MDGA2: variants seen among roughly 807,000 people sequenced by gnomAD.
MDGA2 encodes MAM domain containing glycosylphosphatidylinositol anchor 2.
A neutral mutation model predicts 117.8 loss-of-function variants in MDGA2; 40 were observed. The ratio of observed to expected loss-of-function variants is 0.34; its 90% CI spans 0.26 to 0.44. The LOEUF (loss-of-function observed/expected upper bound fraction) is 0.44. MDGA2 is among the 20% of genes least tolerant of loss of function. The probability of loss-of-function intolerance (pLI) is 1.00; values close to 1 mark genes in which losing one functional copy is unlikely to be tolerated. For synonymous variants in MDGA2, 452 were observed against 439.0 expected, an observed-to-expected ratio of 1.03 and a Z score of -0.37; for missense variants, 1,123 against 1,250.6, an observed-to-expected ratio of 0.90 and a Z score of 1.54.
At chr14:47,614,923 T>C (rs1896921987) in intron 1 of MDGA2, among the ~76,000 whole-genome samples, 1 of 152,230 alleles carries the variant, frequency 6.6e-6, no homozygotes, top group Non-Finnish European at 1.5e-5. Context: ...TTTGGCTCTG[T>C]ATCTGGTACA....
At chr14:47,066,687 T>C (rs2138814797) in intron 6 of MDGA2, among the ~76,000 whole-genome samples, 1 of 151,448 alleles carries the variant, frequency 6.6e-6, no homozygotes, top group South Asian at 2.1e-4. Flanking sequence ...TGAGCAAATA[T>C]GGATAATTAC....
At chr14:47,045,914 G>A (rs183030575) in intron 7 of MDGA2, among the ~76,000 whole-genome samples, 141 of 151,076 alleles carry the variant, frequency 9.3e-4, no homozygotes, top group African/African-American at 3.3e-3. Flanking sequence ...GCAATGAGCC[G>A]AGATTGTGCC....
chr14:47,524,148 T>C (rs1894925302), intron 1 of MDGA2, among the ~76,000 whole-genome samples: 1 of 152,224 alleles, frequency 6.6e-6, no homozygotes, highest in South Asian at 2.1e-4. Flanking sequence ...ATTTGTATCC[T>C]TATTTCAAAC....
At chr14:47,420,811 G>T (rs1892562790) in intron 1 of MDGA2, among the ~76,000 whole-genome samples, 1 of 143,578 alleles carries the variant, frequency 7.0e-6, no homozygotes, top group African/African-American at 2.6e-5. Context: ...AAGCAATAAA[G>T]AGAGAGAAAA....
chr14:47,510,508 T>C (rs1264498379), intron 1 of MDGA2, among the ~76,000 whole-genome samples: 1 of 152,202 alleles, frequency 6.6e-6, no homozygotes, highest in Admixed American at 6.5e-5. Context: ...GCTTGAGAGT[T>C]CTGCCTAATT....
At chr14:47,335,247 G>A (rs966560042) in intron 1 of MDGA2, among the ~76,000 whole-genome samples, 1 of 144,456 alleles carries the variant, frequency 6.9e-6, no homozygotes, top group African/African-American at 2.6e-5. Flanking sequence ...ACATTATTTG[G>A]TGATCAGTAC....
At chr14:47,584,448 C>T (rs535039867) in intron 1 of MDGA2, among the ~76,000 whole-genome samples, 4 of 151,862 alleles carry the variant, frequency 2.6e-5, no homozygotes, top group South Asian at 4.1e-4. Context: ...GTAGCAGAAC[C>T]ATAAATAAGA....
rs563059126 is a variant in MDGA2, at chr14:47,110,948, C to T, written c.926-13825G>A. Among the ~76,000 whole-genome samples the T allele has an allele frequency of 2.0e-5, 3 of 152,138 alleles. No homozygotes were observed. The South Asian group carries it at 6.2e-4, about 32-fold the overall frequency. ...GTAAATTTAGAGATGTACGTATGTT[C>T]TATTTTAAGAAAAAATCCTAATTCA... is the stretch of plus-strand genomic sequence containing the variant. On this transcript the variant is annotated intron_variant, in intron 5 of 16. Transcript: ENST00000399232.
intron 3 of MDGA2, among the ~76,000 whole-genome samples, chr14:47,162,681 G>A (rs1298135333): frequency 6.6e-6 from 1 of 151,962 alleles, no homozygotes; most frequent in East Asian, 1.9e-4. Context: ...AAAATTTCCG[G>A]TATTTGTATA....
intron 4 of MDGA2, among the ~76,000 whole-genome samples, chr14:47,133,596 C>T (rs988613284): frequency 1.3e-5 from 2 of 151,878 alleles, no homozygotes; most frequent in African/African-American, 4.8e-5. Context: ...AGTCTAAGCC[C>T]CATTTCCAGA....
chr14:47,331,801 G>A (rs1197689428), intron 1 of MDGA2, among the ~76,000 whole-genome samples: 1 of 151,880 alleles, frequency 6.6e-6, no homozygotes, highest in Non-Finnish European at 1.5e-5. Context: ...TTTGCTGTCA[G>A]TAATTAAATT....
At chr14:47,236,152 A>G (rs1440038747) in intron 2 of MDGA2, among the ~76,000 whole-genome samples, 1 of 151,970 alleles carries the variant, frequency 6.6e-6, no homozygotes, top group Non-Finnish European at 1.5e-5. Flanking sequence ...TTAGCCGGGC[A>G]TAGTGGCGGG....
chr14:47,618,916 G>T (rs1050480605), intron 1 of MDGA2, among the ~76,000 whole-genome samples: 4 of 151,998 alleles, frequency 2.6e-5, no homozygotes, highest in African/African-American at 9.7e-5. Context: ...AAGGCACACT[G>T]GAGGGAATAA....
chr14:47,249,760 T>C (rs1470913579), intron 2 of MDGA2, among the ~76,000 whole-genome samples: 1 of 152,206 alleles, frequency 6.6e-6, no homozygotes, highest in Non-Finnish European at 1.5e-5. Context: ...AGTACAGGAA[T>C]AAGCTGAAGT....
chr14:47,590,299 C>G (rs1315084513), intron 1 of MDGA2, among the ~76,000 whole-genome samples: 2 of 151,506 alleles, frequency 1.3e-5, no homozygotes, highest in Non-Finnish European at 2.9e-5. Context: ...TAAAAAATGC[C>G]AAAAGAAAGA....
At chr14:47,257,550 A>G (rs1179236991) in intron 2 of MDGA2, among the ~76,000 whole-genome samples, 1 of 152,158 alleles carries the variant, frequency 6.6e-6, no homozygotes, top group Non-Finnish European at 1.5e-5. Flanking sequence ...GAGGACAGGA[A>G]TTGGCATCAT....
intron 3 of MDGA2, among the ~76,000 whole-genome samples, chr14:47,174,380 T>C (rs547785627): frequency 3.3e-5 from 5 of 152,158 alleles, no homozygotes; most frequent in East Asian, 1.9e-4. Flanking sequence ...TATTCCAAAA[T>C]TGACCACATA....
intron 1 of MDGA2, among the ~76,000 whole-genome samples, chr14:47,606,692 T>A (rs1468006056): frequency 6.6e-6 from 1 of 152,138 alleles, no homozygotes; most frequent in Non-Finnish European, 1.5e-5. Context: ...AGTATACTTA[T>A]AAAGATGTAT....
At position 47,239,127 on chromosome 14, in the gene MDGA2, T is replaced by C. The variant is rs72680248; in HGVS notation, c.421-20932A>G. On this transcript the variant is annotated intron_variant, in intron 2 of 16. Coordinates refer to ENST00000399232, the MANE Select transcript of MDGA2 (RefSeq NM_001113498.3). ...CTACTATCGCCATCATAAAGTTGTA[T>C]TGAGGGCCTAATATGAACCTCATGC... 5.3e-3 allele frequency among the ~76,000 whole-genome samples: 810 copies of C among 151,452 alleles called. 17 individuals carry two copies. The highest frequency in any genetic ancestry group is 8.4e-3 in the Non-Finnish European group (569 of 67,634).
Sources: gnomAD v4.1 joint callset for allele counts (sites outside exome capture counted in the v4.1 genomes callset) on GRCh38, gnomAD v4.1.1 for gene constraint, MANE v1.5 for transcripts, NCBI Gene and HGNC (gene_info 2026-07-23, HGNC 2026-07-21) for gene names.